The following CTNNA3 variants were observed in gnomAD, a reference collection of about 807,000 sequenced individuals.
CTNNA3 encodes the protein catenin alpha 3.
CTNNA3 carries 76 observed loss-of-function variants against 95.7 expected under a neutral mutation model. The ratio of observed to expected loss-of-function variants is 0.79; its 90% CI spans 0.66 to 0.96. CTNNA3 has a LOEUF of 0.96. Ranked by LOEUF, CTNNA3 falls within the 40% of genes least tolerant of loss-of-function variation. The pLI is 0.00. For missense variants in CTNNA3, 1,191 were observed against 1,089.8 expected, an observed-to-expected ratio of 1.09 and a Z score of -1.31; for synonymous variants, 431 against 374.4, an observed-to-expected ratio of 1.15 and a Z score of -1.74.
intron 7 of CTNNA3, among the ~76,000 whole-genome samples, chr10:66,904,315 T>G (rs187122143): frequency 3.0e-4 from 45 of 152,314 alleles, no homozygotes; most frequent in African/African-American, 1.1e-3. Context: ...GCTAGCCATA[T>G]GTAGAAAGCT....
chr10:66,710,184 T>C (rs998368158), intron 9 of CTNNA3, among the ~76,000 whole-genome samples: 2 of 152,148 alleles, frequency 1.3e-5, no homozygotes, highest in Non-Finnish European at 2.9e-5. Flanking sequence ...GCAAATCCAG[T>C]GTGGAAGATG....
At chr10:67,160,107 G>A (rs1482220625) in intron 7 of CTNNA3, among the ~76,000 whole-genome samples, 1 of 152,042 alleles carries the variant, frequency 6.6e-6, no homozygotes, top group Non-Finnish European at 1.5e-5. Flanking sequence ...GATACTCAGA[G>A]TATATGAAAA....
At chr10:66,624,542 C>T (rs1252317993) in intron 9 of CTNNA3, among the ~76,000 whole-genome samples, 2 of 152,108 alleles carry the variant, frequency 1.3e-5, no homozygotes, top group Non-Finnish European at 2.9e-5. Context: ...GGATGGGATA[C>T]AAACATTGAG....
chr10:67,676,540 C>T (rs1280092101), intron 1 of CTNNA3, among the ~76,000 whole-genome samples: 1 of 152,078 alleles, frequency 6.6e-6, no homozygotes, highest in African/African-American at 2.4e-5. Flanking sequence ...TCTTGTCTCT[C>T]AAATTGTTCA....
chr10:67,694,772 A>T (rs1028110515), intron 1 of CTNNA3, among the ~76,000 whole-genome samples: 1 of 152,170 alleles, frequency 6.6e-6, no homozygotes. Context: ...AAAAAAGACT[A>T]GAAGGAAACA....
intron 13 of CTNNA3, among the ~76,000 whole-genome samples, chr10:66,232,854 C>A (rs1426602890): frequency 6.6e-6 from 1 of 152,160 alleles, no homozygotes; most frequent in South Asian, 2.1e-4. Flanking sequence ...CCTTCTGCAA[C>A]ATCTGTCAAC....
rs114875131 is a variant in CTNNA3, at chr10:66,868,982, A to T, written c.1048-93458T>A. ...GGGCCTTAAATAAGAGACAAAATGTAAATTCACAGGTTGCAAACTCAAATG... is the reference window on the plus strand; with the variant it reads ...GGGCCTTAAATAAGAGACAAAATGTTAATTCACAGGTTGCAAACTCAAATG... On this transcript the variant is annotated intron_variant, in intron 7 of 17. Transcript: ENST00000433211. Among the ~76,000 whole-genome samples the T allele has an allele frequency of 1.9e-3, 287 of 152,330 alleles. 1 individual carries two copies. The highest frequency in any genetic ancestry group is 6.5e-3 in the African/African-American group (270 of 41,580).
chr10:66,004,392 T>C (rs1008503019), intron 15 of CTNNA3, among the ~76,000 whole-genome samples: 1 of 152,126 alleles, frequency 6.6e-6, no homozygotes, highest in African/African-American at 2.4e-5. Flanking sequence ...TTTCTTTTCC[T>C]TTTTTTCCCA....
At chr10:66,485,425 T>C (rs1253968285) in intron 11 of CTNNA3, among the ~76,000 whole-genome samples, 4 of 152,042 alleles carry the variant, frequency 2.6e-5, no homozygotes, top group Non-Finnish European at 5.9e-5. Context: ...ATACAAAAAT[T>C]AGTTGTGTTT....
At chr10:67,707,813 C>T (rs1284949296) in intron 1 of CTNNA3, among the ~76,000 whole-genome samples, 1 of 152,296 alleles carries the variant, frequency 6.6e-6, no homozygotes, top group African/African-American at 2.4e-5. Context: ...ATGTCAGCTT[C>T]ATCAGAGATT....
chr10:66,859,844 T>A (rs1386067716), intron 7 of CTNNA3, among the ~76,000 whole-genome samples: 1 of 129,370 alleles, frequency 7.7e-6, no homozygotes, highest in Non-Finnish European at 1.7e-5. Flanking sequence ...CCATAAAAAA[T>A]GATGAGTTCA....
At chr10:66,643,088 T>C (rs1845574392) in intron 9 of CTNNA3, among the ~76,000 whole-genome samples, 1 of 152,106 alleles carries the variant, frequency 6.6e-6, no homozygotes, top group Non-Finnish European at 1.5e-5. Flanking sequence ...TATAACAAAC[T>C]TAAATGTAGG....
chr10:66,425,797 A>G (rs2093235617), intron 11 of CTNNA3, among the ~76,000 whole-genome samples: 3 of 152,028 alleles, frequency 2.0e-5, no homozygotes, highest in Admixed American at 1.3e-4. Flanking sequence ...GTACTGCTCT[A>G]TAAACTTTCA....
intron 12 of CTNNA3, among the ~76,000 whole-genome samples, chr10:66,335,593 T>G (rs1023080100): frequency 6.6e-5 from 10 of 152,150 alleles, no homozygotes; most frequent in African/African-American, 2.4e-4. Context: ...CTCTGGAAGT[T>G]TTGTCCCAGA....
chr10:66,933,728 G>C (rs542865614), intron 7 of CTNNA3, among the ~76,000 whole-genome samples: 1 of 151,700 alleles, frequency 6.6e-6, no homozygotes, highest in Non-Finnish European at 1.5e-5. Context: ...ATAAAAAGGG[G>C]TATAAATGTA....
intron 7 of CTNNA3, among the ~76,000 whole-genome samples, chr10:67,161,580 T>A (rs558231438): frequency 6.6e-6 from 1 of 152,002 alleles, no homozygotes; most frequent in East Asian, 1.9e-4. Context: ...CTAAAGTGTA[T>A]TCAAGTAACT....
intron 5 of CTNNA3, among the ~76,000 whole-genome samples, chr10:67,497,257 T>C (rs1005758500): frequency 6.6e-6 from 1 of 152,202 alleles, no homozygotes; most frequent in Non-Finnish European, 1.5e-5. Context: ...CCAAAGGACG[T>C]GAACTCATCC....
chr10:66,446,102 C>T (rs2093418711), intron 11 of CTNNA3, among the ~76,000 whole-genome samples: 1 of 152,146 alleles, frequency 6.6e-6, no homozygotes, highest in Non-Finnish European at 1.5e-5. Context: ...TTGACACATA[C>T]ACCCTCCCAA....
intron 13 of CTNNA3, among the ~76,000 whole-genome samples, chr10:66,129,933 C>T (rs1337093198): frequency 6.6e-6 from 1 of 152,100 alleles, no homozygotes; most frequent in Admixed American, 6.5e-5. Context: ...CTATGCCATG[C>T]CACTACTGCC....
Sources: allele counts gnomAD v4.1 joint callset (sites outside exome capture counted in the v4.1 genomes callset), GRCh38; gene constraint gnomAD v4.1.1; transcripts MANE v1.5; gene names NCBI Gene and HGNC (gene_info 2026-07-23, HGNC 2026-07-21).